The following CCDC122 variants were observed in gnomAD, a reference collection of about 807,000 sequenced individuals.
The protein encoded by CCDC122 is coiled-coil domain-containing protein 122.
In CCDC122, 38 loss-of-function variants were observed where a neutral mutation model predicts 37.0. The ratio of observed to expected loss-of-function variants is 1.03; its 90% CI spans 0.79 to 1.35. The LOEUF is 1.35. Ranked by LOEUF, CCDC122 falls within the 40% of genes most tolerant of loss-of-function variation. The pLI, the probability that CCDC122 is intolerant of heterozygous loss-of-function variation, is 0.00. For synonymous variants in CCDC122, 83 were observed against 95.6 expected (o/e 0.87, Z 0.77); for missense variants, 305 against 310.0 (o/e 0.98, Z 0.12).
chr13:43,867,079 T>G (rs1692756511), intron 4 of CCDC122, among the ~76,000 whole-genome samples: 1 of 152,162 alleles, frequency 6.6e-6, no homozygotes, highest in Non-Finnish European at 1.5e-5. Flanking sequence ...ATGTTCTTCC[T>G]TAGACCAAGG....
chr13:43,827,553 G>C (rs541670190), intron 3 of CCDC122, among the ~76,000 whole-genome samples: 1 of 152,228 alleles, frequency 6.6e-6, no homozygotes, highest in African/African-American at 2.4e-5. Context: ...GTTGACCCTC[G>C]AATAACACAG....
chr13:43,876,477 G>A (rs544113255), intron 1 of CCDC122, among the ~76,000 whole-genome samples: 1 of 152,306 alleles, frequency 6.6e-6, no homozygotes, highest in African/African-American at 2.4e-5. Flanking sequence ...CAATTAAAAT[G>A]GAGAGGCGCA....
intron 4 of CCDC122, among the ~76,000 whole-genome samples, chr13:43,863,424 G>T (rs1954175273): frequency 6.6e-6 from 1 of 152,142 alleles, no homozygotes; most frequent in Non-Finnish European, 1.5e-5. Context: ...TCATCTAACT[G>T]ATGGGCATTT....
At chr13:43,848,370 A>G (rs1953614349) in intron 6 of CCDC122, among the ~76,000 whole-genome samples, 1 of 152,038 alleles carries the variant, frequency 6.6e-6, no homozygotes, top group Non-Finnish European at 1.5e-5. Context: ...AAACTTCTCA[A>G]CTGCTCCAGT....
chr13:43,851,142 T>C (rs888707987), intron 6 of CCDC122, among the ~76,000 whole-genome samples: 4 of 151,688 alleles, frequency 2.6e-5, no homozygotes, highest in Admixed American at 2.6e-4. Context: ...CATTCTCACA[T>C]GAAAAAAATA....
chr13:43,867,103 T>C (rs1375851432), intron 4 of CCDC122, among the ~76,000 whole-genome samples: 1 of 152,150 alleles, frequency 6.6e-6, no homozygotes, highest in African/African-American at 2.4e-5. Context: ...TTCCCTTTTA[T>C]TTCCAGTTAG....
intron 6 of CCDC122, chr13:43,855,195 T>C (rs1953864688): frequency 6.6e-6 from 1 of 152,182 alleles, no homozygotes; most frequent in African/African-American, 2.4e-5. Context: ...TAGCCCTGTT[T>C]GCAGACGACA....
At chr13:43,855,968 C>G (rs891044412) in intron 6 of CCDC122, 3 of 152,184 alleles carry the variant, frequency 2.0e-5, no homozygotes, top group Non-Finnish European at 4.4e-5. Context: ...AAATGCCCAT[C>G]AGTGGTAGTC....
intron 4 of CCDC122, among the ~76,000 whole-genome samples, chr13:43,863,261 TAAATAG>T (rs1011906100): frequency 9.2e-5 from 14 of 152,336 alleles, no homozygotes; most frequent in African/African-American, 2.9e-4. Flanking sequence ...TAATTTTATA[TAAATAG>T]AATCATTTAA....
intron 3 of CCDC122, among the ~76,000 whole-genome samples, chr13:43,825,906 T>A (rs1953035741): frequency 6.6e-6 from 1 of 151,918 alleles, no homozygotes; most frequent in Non-Finnish European, 1.5e-5. Flanking sequence ...GTAACAAACA[T>A]GCACATGTAC....
intron 3 of CCDC122, among the ~76,000 whole-genome samples, chr13:43,827,080 C>A (rs1049398014): frequency 2.0e-5 from 3 of 152,098 alleles, no homozygotes; most frequent in Non-Finnish European, 4.4e-5. Flanking sequence ...AGATGGAACA[C>A]TTTACATAAT....
At position 43,856,808 on chromosome 13, in the gene CCDC122, C is replaced by A. The variant is rs139255718; in HGVS notation, c.672+1973G>T. Among the ~76,000 whole-genome samples, 78 of 152,142 alleles carry A rather than the reference C, an allele frequency of 5.1e-4. No homozygotes were observed. The East Asian group carries it at 0.015, about 29-fold the overall frequency. Reference sequence around the variant, plus strand: ...GATAAAAAGGGTAGAAGAGAACTTTCTGGACATGCTGGGAAAGTTCTATAT... The same window carrying A: ...GATAAAAAGGGTAGAAGAGAACTTTATGGACATGCTGGGAAAGTTCTATAT... On this transcript the variant is annotated intron_variant, in intron 6 of 6. Transcript: ENST00000444614.
At chr13:43,874,388 G>T (rs1954542571) in intron 2 of CCDC122, among the ~76,000 whole-genome samples, 1 of 151,900 alleles carries the variant, frequency 6.6e-6, no homozygotes. Context: ...TTATTTTATA[G>T]TATCTTTCCC....
chr13:43,868,111 T>G (rs1355756269), intron 4 of CCDC122, among the ~76,000 whole-genome samples: 1 of 152,178 alleles, frequency 6.6e-6, no homozygotes, highest in African/African-American at 2.4e-5. Context: ...GTTCAGCTCC[T>G]GAGCCTACTC....
chr13:43,840,386 T>A (rs920987476), intron 6 of CCDC122, among the ~76,000 whole-genome samples: 1 of 152,140 alleles, frequency 6.6e-6, no homozygotes, highest in Admixed American at 6.5e-5. Flanking sequence ...TTTATTTTTA[T>A]TTTTTACTAT....
chr13:43,869,447 A>T lies in CCDC122; in HGVS notation c.-71T>A. On this transcript the variant is annotated 5_prime_UTR_variant, in exon 3 of 7. Transcript: ENST00000444614. ...TACTCCTACTCAATAATCTATATTGATAATCTTTCACTTTTGTTTTTTCCT... is the reference window on the plus strand; with the variant it reads ...TACTCCTACTCAATAATCTATATTGTTAATCTTTCACTTTTGTTTTTTCCT... The T allele has an allele frequency of 7.9e-7, 1 of 1,269,256 alleles. No individual in the cohort carries two copies. Among genetic ancestry groups the T allele is most frequent in the Non-Finnish European group, 1.1e-6 (1 of 899,900 alleles). 78.6% of individuals were successfully genotyped at this position (1,269,256 alleles called of 1,614,324 possible). A position where few individuals can be genotyped will look rare whatever the true frequency, so the allele number is the denominator to read the frequency against.
chr13:43,876,952 A>T (rs903342008), intron 1 of CCDC122, among the ~76,000 whole-genome samples: 1 of 152,134 alleles, frequency 6.6e-6, no homozygotes, highest in Admixed American at 6.5e-5. Context: ...CTCTACTAAA[A>T]ATACAAAAAT....
intron 1 of CCDC122, among the ~76,000 whole-genome samples, chr13:43,876,524 A>G (rs1202541749): frequency 1.3e-5 from 2 of 152,194 alleles, no homozygotes; most frequent in Admixed American, 6.5e-5. Context: ...CATAACCTCT[A>G]ACCACTTAAC....
intron 6 of CCDC122, among the ~76,000 whole-genome samples, chr13:43,853,627 T>C (rs1267883262): frequency 6.6e-6 from 1 of 152,210 alleles, no homozygotes; most frequent in Non-Finnish European, 1.5e-5. Flanking sequence ...AACTCAACAC[T>C]GGATCAAAAG....
Sources: allele counts gnomAD v4.1 joint callset (sites outside exome capture counted in the v4.1 genomes callset), GRCh38; gene constraint gnomAD v4.1.1; transcripts MANE v1.5; gene names NCBI Gene and HGNC (gene_info 2026-07-23, HGNC 2026-07-21).